The following SUCLG2 variants were observed in gnomAD, a reference collection of about 807,000 sequenced individuals.
The protein encoded by SUCLG2 is succinate--CoA ligase [GDP-forming] subunit beta, mitochondrial.
Under a neutral mutation model 47.9 loss-of-function variants are expected in SUCLG2, and 42 were observed. That is an observed-to-expected ratio of 0.88 (90% CI 0.69 to 1.14). SUCLG2 has a LOEUF of 1.14. SUCLG2 is among the 50% of genes most tolerant of loss of function. The pLI, the probability that SUCLG2 is intolerant of heterozygous loss-of-function variation, is 0.00. For synonymous variants in SUCLG2, 195 were observed against 197.3 expected, an observed-to-expected ratio of 0.99 and a Z score of 0.10; for missense variants, 571 against 525.9, an observed-to-expected ratio of 1.09 and a Z score of -0.84.
chr3:67,591,531 T>G (rs1321384178), intron 2 of SUCLG2, among the ~76,000 whole-genome samples: 1 of 152,188 alleles, frequency 6.6e-6, no homozygotes, highest in South Asian at 2.1e-4. Flanking sequence ...CTCATTATAG[T>G]GAATAAGTCT....
chr3:67,625,553 C>A (rs2107342476), intron 1 of SUCLG2, among the ~76,000 whole-genome samples: 1 of 152,290 alleles, frequency 6.6e-6, no homozygotes, highest in South Asian at 2.1e-4. Context: ...TTACTCTCTT[C>A]TCTTGAGGAC....
intron 9 of SUCLG2, among the ~76,000 whole-genome samples, chr3:67,440,070 A>T (rs1195137957): frequency 6.6e-6 from 1 of 152,002 alleles, no homozygotes; most frequent in Non-Finnish European, 1.5e-5. Flanking sequence ...CCTCAGAAAT[A>T]ACGCCACACA....
At chr3:67,636,326 T>G (rs2107360326) in intron 1 of SUCLG2, among the ~76,000 whole-genome samples, 1 of 150,232 alleles carries the variant, frequency 6.7e-6, no homozygotes, top group South Asian at 2.1e-4. Flanking sequence ...TTCAAAGAGG[T>G]AGGAAAATGG....
chr3:67,575,985 T>C (rs1426082186), intron 2 of SUCLG2, among the ~76,000 whole-genome samples: 1 of 152,148 alleles, frequency 6.6e-6, no homozygotes, highest in East Asian at 1.9e-4. Context: ...TCACGTGAAA[T>C]ATAGGTACCT....
intron 10 of SUCLG2, among the ~76,000 whole-genome samples, chr3:67,396,055 C>A (rs1702519399): frequency 6.6e-6 from 1 of 151,520 alleles, no homozygotes; most frequent in African/African-American, 2.4e-5. Context: ...ACTAAATGCC[C>A]ACAAGAGAAA....
At chr3:67,594,203 G>GT (rs1418217663) in intron 2 of SUCLG2, among the ~76,000 whole-genome samples, 1 of 152,204 alleles carries the variant, frequency 6.6e-6, no homozygotes, top group East Asian at 1.9e-4. Context: ...TTGTTACCTA[G>GT]CGTTGTTGAG....
intron 9 of SUCLG2, 96 bp downstream of exon 9, chr3:67,495,702 T>C (rs1705317138): frequency 7.8e-7 from 1 of 1,289,242 alleles, no homozygotes; most frequent in Non-Finnish European, 1.1e-6. Context: ...AGAGTACACA[T>C]ATTGACTTAT....
intron 2 of SUCLG2, among the ~76,000 whole-genome samples, chr3:67,604,011 C>T (rs1279783588): frequency 3.3e-5 from 5 of 152,084 alleles, no homozygotes; most frequent in Non-Finnish European, 7.4e-5. Context: ...AAGGTGGCTC[C>T]GATAAATGGC....
chr3:67,572,443 G>C lies in SUCLG2; in HGVS notation c.226+37012C>G, dbSNP rs145288223. 4.3e-4 allele frequency among the ~76,000 whole-genome samples: 65 copies of C among 152,298 alleles called. No individual in the cohort carries two copies. In the East Asian group the frequency reaches 0.011, roughly 27 times the overall value. ...ATAGTTCTTTAGCCTATAAATAGCA[G>C]TACTACTAATTTCTGCTTGAGCTTC... On this transcript the variant is annotated intron_variant, in intron 2 of 10. Coordinates refer to ENST00000307227, the MANE Select transcript of SUCLG2 (RefSeq NM_003848.4).
At chr3:67,528,255 T>C (rs536316531) in intron 3 of SUCLG2, 33 bp from the exon 4 acceptor site, 1 of 1,594,858 alleles carries the variant, frequency 6.3e-7, no homozygotes, top group South Asian at 1.1e-5. Context: ...AGAAAATGAA[T>C]GTTTGTTGAA....
At chr3:67,621,448 C>T (rs1347433566) in intron 1 of SUCLG2, among the ~76,000 whole-genome samples, 1 of 152,138 alleles carries the variant, frequency 6.6e-6, no homozygotes, top group Admixed American at 6.5e-5. Flanking sequence ...CAATCTTAAC[C>T]TCAAATCTTT....
intron 9 of SUCLG2, among the ~76,000 whole-genome samples, chr3:67,421,026 C>T (rs1703145129): frequency 6.6e-6 from 1 of 152,144 alleles, no homozygotes; most frequent in Non-Finnish European, 1.5e-5. Flanking sequence ...ATGCTAAGCA[C>T]ATCATAAGTA....
At chr3:67,448,617 T>A (rs545724663) in intron 9 of SUCLG2, among the ~76,000 whole-genome samples, 1 of 152,328 alleles carries the variant, frequency 6.6e-6, no homozygotes, top group East Asian at 1.9e-4. Context: ...ATTCCCGACC[T>A]CAGGAGTACC....
At chr3:67,498,614 A>T (rs891566266) in intron 7 of SUCLG2, among the ~76,000 whole-genome samples, 1 of 152,156 alleles carries the variant, frequency 6.6e-6, no homozygotes. Flanking sequence ...GCTTTGATTC[A>T]TTATTTTTAT....
chr3:67,530,763 T>C (rs1351919245), intron 2 of SUCLG2, among the ~76,000 whole-genome samples: 1 of 152,212 alleles, frequency 6.6e-6, no homozygotes, highest in Admixed American at 6.5e-5. Context: ...CCTCTGGCAA[T>C]AATTTCTGCC....
At chr3:67,626,395 C>T (rs1437080482) in intron 1 of SUCLG2, among the ~76,000 whole-genome samples, 1 of 151,868 alleles carries the variant, frequency 6.6e-6, no homozygotes, top group Admixed American at 6.6e-5. Flanking sequence ...GTATGCTGGA[C>T]AAAAACAGCA....
At chr3:67,639,358 G>A (rs1701060030) in intron 1 of SUCLG2, among the ~76,000 whole-genome samples, 1 of 152,184 alleles carries the variant, frequency 6.6e-6, no homozygotes, top group African/African-American at 2.4e-5. Context: ...TATTACCCTA[G>A]ATGAGGCACC....
intron 9 of SUCLG2, among the ~76,000 whole-genome samples, chr3:67,420,801 G>A (rs1470211506): frequency 6.6e-6 from 1 of 152,152 alleles, no homozygotes; most frequent in Non-Finnish European, 1.5e-5. Context: ...GTGAGTGTGT[G>A]TGGGTATTTA....
intron 2 of SUCLG2, among the ~76,000 whole-genome samples, chr3:67,543,600 G>A (rs1442796796): frequency 3.3e-5 from 5 of 152,134 alleles, no homozygotes; most frequent in African/African-American, 9.7e-5. Context: ...AGGAGGTTGC[G>A]GCTGCAGTGA....
Sources: allele counts gnomAD v4.1 joint callset (sites outside exome capture counted in the v4.1 genomes callset), GRCh38; gene constraint gnomAD v4.1.1; transcripts MANE v1.5; gene names NCBI Gene and HGNC (gene_info 2026-07-23, HGNC 2026-07-21).